GNA12: variants seen among roughly 807,000 people sequenced by gnomAD.
GNA12 encodes G protein subunit alpha 12, also known as guanine nucleotide-binding protein subunit alpha-12.
In GNA12, 9 loss-of-function variants were observed where a neutral mutation model predicts 26.0. That is an observed-to-expected ratio of 0.35 (90% CI 0.21 to 0.60). The LOEUF is 0.60. GNA12 is among the 20% of genes least tolerant of loss of function. The pLI is 0.78. For synonymous variants in GNA12, 264 were observed against 219.6 expected (o/e 1.20, Z -1.79); for missense variants, 405 against 525.8 (o/e 0.77, Z 2.25).
At chr7:2,762,368 C>G (rs955688141) in intron 2 of GNA12, 1 of 426,112 alleles carries the variant, frequency 2.3e-6, no homozygotes, top group Admixed American at 4.5e-5. Context: ...AATCCAGACA[C>G]GGTATGGCGG....
intron 2 of GNA12, among the ~76,000 whole-genome samples, chr7:2,736,405 G>A (rs1239088417): frequency 1.3e-5 from 2 of 151,476 alleles, no homozygotes; most frequent in Non-Finnish European, 3.0e-5. Flanking sequence ...TTAGGCTGGG[G>A]CCAGCGGCCA....
At chr7:2,766,121 T>G (rs2115413248) in intron 2 of GNA12, among the ~76,000 whole-genome samples, 1 of 152,240 alleles carries the variant, frequency 6.6e-6, no homozygotes, top group South Asian at 2.1e-4. Context: ...CAACTCCCAT[T>G]TCCCCCCATC....
intron 1 of GNA12, chr7:2,814,959 C>A (rs904462254): frequency 3.8e-6 from 6 of 1,565,494 alleles, no homozygotes; most frequent in South Asian, 1.2e-5. Flanking sequence ...AGTAGGCGCT[C>A]TGCACTCGGC....
At chr7:2,842,410 T>C (rs1253545118) in intron 1 of GNA12, among the ~76,000 whole-genome samples, 5 of 152,128 alleles carry the variant, frequency 3.3e-5, no homozygotes, top group Admixed American at 2.0e-4. Context: ...CCAATTCTCC[T>C]ACCTCAGCCG....
At chr7:2,774,777 A>G (rs1295408297) in intron 2 of GNA12, among the ~76,000 whole-genome samples, 1 of 152,222 alleles carries the variant, frequency 6.6e-6, no homozygotes, top group Non-Finnish European at 1.5e-5. Flanking sequence ...AAACATAAGT[A>G]CAAAGCCCAG....
intron 1 of GNA12, among the ~76,000 whole-genome samples, chr7:2,842,166 A>G (rs1459325517): frequency 1.3e-5 from 2 of 151,394 alleles, no homozygotes; most frequent in Non-Finnish European, 2.9e-5. Context: ...AAGGAAGGAA[A>G]AAGGGAGGGA....
intron 2 of GNA12, among the ~76,000 whole-genome samples, chr7:2,770,220 T>C (rs1791913831): frequency 6.6e-6 from 1 of 152,250 alleles, no homozygotes; most frequent in South Asian, 2.1e-4. Flanking sequence ...TATGCCCCAC[T>C]TGCCCTGGAG....
At chr7:2,815,154 G>C (rs1199674688) in intron 1 of GNA12, 4 of 625,510 alleles carry the variant, frequency 6.4e-6, no homozygotes, top group Non-Finnish European at 1.1e-5. Context: ...AATACAAAAA[G>C]CAAGTGGACA....
rs888841135 is a variant in GNA12 at position 2,730,898 on chromosome 7, A to G, written c.*283T>C. 3 of 391,360 alleles carry G rather than the reference A, an allele frequency of 7.7e-6. No homozygotes were observed. The highest frequency in any genetic ancestry group is 1.4e-5 in the Non-Finnish European group (3 of 212,518). 24.2% of individuals were successfully genotyped at this position (391,360 alleles called of 1,614,324 possible). ...AGAAAAAGAGGAACGTTTCTGTAAA[A>G]GCAAAGCAAGCTGTGTGATTAGGTG... On this transcript the variant is annotated 3_prime_UTR_variant, in exon 4 of 4. Coordinates refer to ENST00000275364, the MANE Select transcript of GNA12 (RefSeq NM_007353.3).
chr7:2,750,221 G>C (rs532302813), intron 2 of GNA12, among the ~76,000 whole-genome samples: 10 of 152,176 alleles, frequency 6.6e-5, no homozygotes, highest in Admixed American at 4.6e-4. Context: ...AGAACAAACT[G>C]CAAGTCCCAG....
chr7:2,749,409 G>A (rs901751789), intron 2 of GNA12, among the ~76,000 whole-genome samples: 8 of 151,456 alleles, frequency 5.3e-5, no homozygotes, highest in South Asian at 2.1e-4. Flanking sequence ...ACTATTGCAA[G>A]GACAAAAAAC....
intron 2 of GNA12, among the ~76,000 whole-genome samples, chr7:2,780,030 T>C (rs1436861993): frequency 3.0e-5 from 4 of 133,392 alleles, no homozygotes; most frequent in African/African-American, 1.1e-4. Context: ...CACGTACTAG[T>C]TTTTTACACA....
At chr7:2,791,362 G>GAAGGCGGCCAGGCTGCCTCCCCTATGGA (rs1792513760) in intron 2 of GNA12, among the ~76,000 whole-genome samples, 1 of 152,250 alleles carries the variant, frequency 6.6e-6, no homozygotes. Context: ...GGCCAGTGGG[G>GAAGGCGGCCAGGCTGCCTCCCCTATGGA]AAGGCGGCCA....
In GNA12 at chr7:2,762,615, G is replaced by A. The variant is rs192674383; in HGVS notation, c.526-29114C>T. ...ACCCAAAAAAGGACAATCCCCTTCC[G>A]GATAAGACCCCAATGCCATGAAGCA... is the stretch of plus-strand genomic sequence containing the variant. On this transcript the variant is annotated intron_variant, in intron 2 of 3. Transcript: ENST00000275364. 1.7e-4 allele frequency: 257 copies of A among 1,546,338 alleles called. No homozygotes were observed. The African/African-American group carries it at 3.0e-3, about 18-fold the overall frequency.
Position 2,844,232 on chromosome 7 carries a change from C to G in GNA12, c.-71G>C, listed in dbSNP as rs993172286. On this transcript the variant is annotated 5_prime_UTR_variant, in exon 1 of 4. Transcript: ENST00000275364. ...GGACGCTCCCGCCGGCGAGGGCGAG[C>G]CCGGGCCGAGGCACCGCCCCACGCC... The G allele has an allele frequency of 1.3e-6, 1 of 795,300 alleles. No homozygotes were observed. Among genetic ancestry groups the G allele is most frequent in the African/African-American group, 1.9e-5 (1 of 53,106 alleles). 49.3% of individuals were successfully genotyped at this position (795,300 alleles called of 1,614,324 possible).
intron 2 of GNA12, among the ~76,000 whole-genome samples, chr7:2,776,357 G>C (rs1056908851): frequency 6.6e-6 from 1 of 152,210 alleles, no homozygotes; most frequent in Non-Finnish European, 1.5e-5. Flanking sequence ...CTCGGATCTG[G>C]ACACCGACCG....
intron 1 of GNA12, among the ~76,000 whole-genome samples, chr7:2,799,192 G>T (rs138997331): frequency 8.5e-5 from 13 of 152,304 alleles, no homozygotes; most frequent in East Asian, 7.7e-4. Flanking sequence ...TTAAGAGGCT[G>T]AAAAGAAGCT....
At chr7:2,742,417 C>T (rs1359575195) in intron 2 of GNA12, among the ~76,000 whole-genome samples, 3 of 152,152 alleles carry the variant, frequency 2.0e-5, no homozygotes, top group Admixed American at 6.5e-5. Flanking sequence ...ATTTTCCAGT[C>T]AGTGCCACTC....
At chr7:2,778,666 G>A (rs1167824828) in intron 2 of GNA12, among the ~76,000 whole-genome samples, 7 of 152,200 alleles carry the variant, frequency 4.6e-5, no homozygotes, top group Admixed American at 4.6e-4. Context: ...AGAGAGCCAG[G>A]TAGGTAAACA....
Sources: allele counts gnomAD v4.1 joint callset (sites outside exome capture counted in the v4.1 genomes callset), GRCh38; gene constraint gnomAD v4.1.1; transcripts MANE v1.5; gene names NCBI Gene and HGNC (gene_info 2026-07-23, HGNC 2026-07-21).